UNC13C: variants seen among roughly 807,000 people sequenced by gnomAD.
The protein encoded by UNC13C is protein unc-13 homolog C.
Under a neutral mutation model 245.4 loss-of-function variants are expected in UNC13C, and 174 were observed. That is an observed-to-expected ratio of 0.71 (90% confidence interval 0.63 to 0.80). The LOEUF is 0.80. Ranked by LOEUF, UNC13C falls within the 30% of genes least tolerant of loss-of-function variation. The pLI is 0.00. For synonymous variants in UNC13C, 992 were observed against 895.1 expected, an observed-to-expected ratio of 1.11 and a Z score of -1.93; for missense variants, 2,829 against 2,602.9, an observed-to-expected ratio of 1.09 and a Z score of -1.89.
chr15:54,555,099 G>A (rs527421342), intron 28 of UNC13C, among the ~76,000 whole-genome samples: 3 of 152,044 alleles, frequency 2.0e-5, no homozygotes, highest in African/African-American at 7.2e-5. Flanking sequence ...AGTCCTCAAC[G>A]TGACAGACAT....
At chr15:54,563,263 G>T (rs1333674973) in intron 29 of UNC13C, among the ~76,000 whole-genome samples, 1 of 151,938 alleles carries the variant, frequency 6.6e-6, no homozygotes. Context: ...CATGCTTTCT[G>T]CCTTTGTTTT....
chr15:54,219,469 A>C (rs2035151241), intron 4 of UNC13C, among the ~76,000 whole-genome samples: 1 of 151,898 alleles, frequency 6.6e-6, no homozygotes, highest in South Asian at 2.1e-4. Flanking sequence ...TAAAGACTTA[A>C]ATGTTAGACC....
intron 1 of UNC13C, among the ~76,000 whole-genome samples, chr15:53,979,295 T>C (rs1201649579): frequency 2.3e-5 from 3 of 130,392 alleles, no homozygotes; most frequent in African/African-American, 7.6e-5. Context: ...GAACAAAAGT[T>C]GAGGGCTTCT....
intron 1 of UNC13C, among the ~76,000 whole-genome samples, chr15:54,000,180 C>G (rs1332322273): frequency 6.6e-6 from 1 of 151,988 alleles, no homozygotes; most frequent in Non-Finnish European, 1.5e-5. Flanking sequence ...AAGAATGATT[C>G]AAAGACTTCA....
chr15:54,576,277 C>T (rs954561025), intron 30 of UNC13C, among the ~76,000 whole-genome samples: 1 of 152,190 alleles, frequency 6.6e-6, no homozygotes, highest in African/African-American at 2.4e-5. Context: ...CACTGTCTCA[C>T]ACTCGTTTTC....
chr15:54,075,857 A>T (rs1422275859), intron 2 of UNC13C, among the ~76,000 whole-genome samples: 1 of 152,066 alleles, frequency 6.6e-6, no homozygotes, highest in Non-Finnish European at 1.5e-5. Context: ...AATAATTTTA[A>T]ATATTAAATG....
intron 1 of UNC13C, among the ~76,000 whole-genome samples, chr15:54,009,858 C>T (rs531165690): frequency 1.3e-5 from 2 of 152,246 alleles, no homozygotes; most frequent in African/African-American, 4.8e-5. Flanking sequence ...GTTGGGATTC[C>T]ATTGCAGGTA....
intron 28 of UNC13C, among the ~76,000 whole-genome samples, chr15:54,553,393 T>C (rs1029329663): frequency 9.2e-5 from 12 of 129,990 alleles, no homozygotes; most frequent in African/African-American, 3.4e-4. Flanking sequence ...TGTATTAGTA[T>C]ATTATATTAT....
At chr15:54,450,455 C>T (rs1347345322) in intron 19 of UNC13C, among the ~76,000 whole-genome samples, 1 of 152,230 alleles carries the variant, frequency 6.6e-6, no homozygotes, top group Non-Finnish European at 1.5e-5. Flanking sequence ...TTTACCTACT[C>T]AAGCCTCAGC....
intron 4 of UNC13C, among the ~76,000 whole-genome samples, chr15:54,180,440 T>C (rs2033759611): frequency 6.6e-6 from 1 of 152,078 alleles, no homozygotes; most frequent in East Asian, 1.9e-4. Flanking sequence ...GTTGTTGATA[T>C]TGTGAATAGT....
intron 30 of UNC13C, among the ~76,000 whole-genome samples, chr15:54,616,334 A>G (rs1310397556): frequency 6.6e-6 from 1 of 152,048 alleles, no homozygotes; most frequent in Non-Finnish European, 1.5e-5. Flanking sequence ...TGTTACAGTC[A>G]GTGATACACT....
chr15:53,881,455 G>A, the UNC13C span, among the ~76,000 whole-genome samples: 1 of 152,196 alleles, frequency 6.6e-6, no homozygotes, highest in Non-Finnish European at 1.5e-5. Context: ...TTTTAAAGAA[G>A]TTCTGCTTAA....
At chr15:54,323,487 GTTTC>G (rs1220688027) in intron 14 of UNC13C, among the ~76,000 whole-genome samples, 1 of 151,990 alleles carries the variant, frequency 6.6e-6, no homozygotes, top group Non-Finnish European at 1.5e-5. Flanking sequence ...ACTTTAACAT[GTTTC>G]TCAAATTTAA....
intron 2 of UNC13C, among the ~76,000 whole-genome samples, chr15:54,046,461 C>T (rs946516496): frequency 7.2e-5 from 11 of 152,022 alleles, no homozygotes; most frequent in African/African-American, 2.7e-4. Context: ...TTTTAATTTG[C>T]ATTTATTTTA....
rs541981174 is a variant in UNC13C at position 54,265,348 on chromosome 15, A to G, written c.3677-7A>G. ...TATGTTAAAATGTTTATTTTGGTTT[A>G]TTTCAGTGGTTTCTGCACAGGGTCT... On this transcript the variant is annotated splice_polypyrimidine_tract_variant and splice_region_variant and intron_variant, in intron 9 of 32. Transcript: ENST00000260323. 7.0e-5 allele frequency: 104 copies of G among 1,492,016 alleles called. 1 individual carries two copies. In the South Asian group the frequency reaches 1.4e-3, roughly 20 times the overall value. 92.4% of individuals were successfully genotyped at this position (1,492,016 alleles called of 1,614,324 possible).
chr15:54,054,338 G>A (rs1026124874), intron 2 of UNC13C, among the ~76,000 whole-genome samples: 1 of 152,090 alleles, frequency 6.6e-6, no homozygotes, highest in African/African-American at 2.4e-5. Context: ...CTCCCTCTTA[G>A]ACTGTAAGCT....
intron 24 of UNC13C, among the ~76,000 whole-genome samples, chr15:54,514,161 T>C (rs1894870516): frequency 6.6e-6 from 1 of 152,210 alleles, no homozygotes; most frequent in Non-Finnish European, 1.5e-5. Flanking sequence ...TCTAAATGGT[T>C]TCCTTAACTT....
chr15:54,292,510 A>G (rs575866951), intron 10 of UNC13C, among the ~76,000 whole-genome samples: 1 of 152,098 alleles, frequency 6.6e-6, no homozygotes, highest in East Asian at 1.9e-4. Context: ...TTCAAATATT[A>G]TTCTTGTATG....
chr15:54,133,932 T>C (rs907675410), intron 2 of UNC13C, among the ~76,000 whole-genome samples: 19 of 152,128 alleles, frequency 1.2e-4, no homozygotes, highest in African/African-American at 3.6e-4. Context: ...TAAGGCATAG[T>C]TGACAAATAA....
Sources: allele counts gnomAD v4.1 joint callset (sites outside exome capture counted in the v4.1 genomes callset), GRCh38; gene constraint gnomAD v4.1.1; transcripts MANE v1.5; gene names NCBI Gene and HGNC (gene_info 2026-07-23, HGNC 2026-07-21).